NLRP7: variants seen among roughly 807,000 people sequenced by gnomAD.
NLRP7 encodes NLR family pyrin domain containing 7, also known as NACHT, LRR and PYD domains-containing protein 7.
A neutral mutation model predicts 85.5 loss-of-function variants in NLRP7; 72 were observed. The observed-to-expected ratio is 0.84, with a 90% CI of 0.70 to 1.02. NLRP7 has a LOEUF of 1.02. NLRP7 is among the 50% of genes least tolerant of loss of function. NLRP7 has a pLI of 0.00. For missense variants in NLRP7, 1,243 were observed against 1,219.5 expected, an observed-to-expected ratio of 1.02 and a Z score of -0.29; for synonymous variants, 550 against 505.2, an observed-to-expected ratio of 1.09 and a Z score of -1.19.
chr19:54,939,013 A>G, exon 4 of NLRP7: 1 of 1,614,244 alleles, frequency 6.2e-7, no homozygotes, highest in Non-Finnish European at 8.5e-7. Flanking sequence ...GCATCACTTC[A>G]GAAGTATTTG....
intron 2 of NLRP7, 37 bp from the exon 3 acceptor site, chr19:54,941,042 T>A: frequency 7.1e-7 from 1 of 1,398,608 alleles, no homozygotes; most frequent in South Asian, 1.2e-5. Context: ...ACACAGTAAT[T>A]TACACTTCGT....
At chr19:54,956,165 A>AGGGG (rs2069846206) in intron 1 of NLRP7, among the ~76,000 whole-genome samples, 1 of 150,338 alleles carries the variant, frequency 6.7e-6, no homozygotes, top group South Asian at 2.1e-4. Context: ...GGAAGGAGGG[A>AGGGG]AGGGAAGGAG....
Position 54,959,426 on chromosome 19 carries a change from C to T in NLRP7, c.-77+6614G>A, listed in dbSNP as rs190374533. On this transcript the variant is annotated intron_variant, in intron 1 of 2. Transcript: ENST00000587103. The stretch of plus-strand genomic sequence containing the variant: ...TGCTGGGATTACAGGCGTGAGCCAC[C>T]GTGCCCGGCCTCCTTGTTTTTTTTC... Among the ~76,000 whole-genome samples the T allele has an allele frequency of 1.1e-3, 169 of 150,724 alleles. 4 individuals carry two copies. Among genetic ancestry groups the T allele is most frequent in the Admixed American group, 6.6e-3 (100 of 15,118 alleles).
intron 1 of NLRP7, among the ~76,000 whole-genome samples, chr19:54,958,014 G>A (rs193089169): frequency 7.9e-5 from 12 of 151,988 alleles, no homozygotes; most frequent in African/African-American, 2.9e-4. Context: ...TCAGGAGTCC[G>A]AGACTAGCCT....
chr19:54,964,293 T>C (rs2070211989), intron 1 of NLRP7, among the ~76,000 whole-genome samples: 1 of 135,218 alleles, frequency 7.4e-6, no homozygotes, highest in Non-Finnish European at 1.5e-5. Flanking sequence ...CTCGGCTCAC[T>C]GCAAGCTCCG....
chr19:54,927,751 A>G (rs771221896), intron 9 of NLRP7: 9 of 1,614,092 alleles, frequency 5.6e-6, no homozygotes, highest in Middle Eastern at 1.6e-4. Context: ...GACAATAGAA[A>G]GGCATGAGGG....
At chr19:54,933,595 G>A (rs2068766016) in exon 8 of NLRP7, 1 of 1,614,066 alleles carries the variant, frequency 6.2e-7, no homozygotes, top group Non-Finnish European at 8.5e-7. Flanking sequence ...TACAATCAGG[G>A]TAACTCAAGC....
chr19:54,948,577 A>G (rs761492258), upstream of NLRP7, among the ~76,000 whole-genome samples: 1 of 151,406 alleles, frequency 6.6e-6, no homozygotes, highest in Non-Finnish European at 1.5e-5. Flanking sequence ...ACTGATATTT[A>G]ATTTTTTTTT....
chr19:54,931,219 C>A (rs1340585492), intron 8 of NLRP7, among the ~76,000 whole-genome samples: 1 of 152,010 alleles, frequency 6.6e-6, no homozygotes, highest in Admixed American at 6.6e-5. Context: ...GTCAGGAGTT[C>A]AAGACCAGCC....
In NLRP7 at chr19:54,934,464, C is replaced by G. The variant is rs1436852938; in HGVS notation, c.2471+25G>C. On this transcript the variant is annotated intron_variant, in intron 7 of 9. Coordinates refer to ENST00000340844, the Ensembl canonical transcript of NLRP7. This position sits in a 1 kb window ranked among gnomAD's most constrained non-coding sequence, Gnocchi z 6.7. ...CTATAGCCCCAGAACTAAACCAGAGCTGCCCATGGGAAGAGGAGACTTACG... is the reference window on the plus strand; with the variant it reads ...CTATAGCCCCAGAACTAAACCAGAGGTGCCCATGGGAAGAGGAGACTTACG... 6.2e-7 allele frequency: 1 copy of G among 1,613,092 alleles called. No homozygotes were observed. The highest frequency in any genetic ancestry group is 8.5e-7 in the Non-Finnish European group (1 of 1,179,050).
chr19:54,940,397 C>T (rs867213400), exon 4 of NLRP7: 1 of 1,614,126 alleles, frequency 6.2e-7, no homozygotes, highest in South Asian at 1.1e-5. Context: ...GTCAATGTCT[C>T]CTTGCCAAAA....
At chr19:54,925,533 C>G (rs2068392080) in intron 9 of NLRP7, among the ~76,000 whole-genome samples, 1 of 152,138 alleles carries the variant, frequency 6.6e-6, no homozygotes, top group Non-Finnish European at 1.5e-5. Flanking sequence ...GGGCTGTGCA[C>G]AGTGGCTCAC....
exon 4 of NLRP7, chr19:54,939,534 C>G (rs764512339): frequency 3.2e-5 from 52 of 1,613,446 alleles, no homozygotes; most frequent in Non-Finnish European, 4.1e-5. Flanking sequence ...CGGTGGAACA[C>G]GGACATCTGC....
Position 54,934,967 on chromosome 19 carries a change from G to A in NLRP7, c.2301-308C>T, listed in dbSNP as rs1386744278. ...CCACCTTGGCCTACCGAAGTACTGGGATTACAGGTGTGAGCCACCGCGCCT... is the reference window on the plus strand; with the variant it reads ...CCACCTTGGCCTACCGAAGTACTGGAATTACAGGTGTGAGCCACCGCGCCT... On this transcript the variant is annotated intron_variant, in intron 6 of 9. Coordinates refer to ENST00000340844, the Ensembl canonical transcript of NLRP7. This position sits in a 1 kb window ranked among gnomAD's most constrained non-coding sequence, Gnocchi z 6.7. 1.3e-5 allele frequency among the ~76,000 whole-genome samples: 2 copies of A among 152,112 alleles called. No homozygotes were observed. Among genetic ancestry groups the A allele is most frequent in the African/African-American group, 4.8e-5 (2 of 41,428 alleles).
At chr19:54,958,130 G>C (rs140030692) in intron 1 of NLRP7, among the ~76,000 whole-genome samples, 6 of 152,034 alleles carry the variant, frequency 3.9e-5, no homozygotes, top group Admixed American at 3.3e-4. Flanking sequence ...CAGGAGAATC[G>C]CTTGGTTTGG....
chr19:54,945,420 C>A (rs528093654), intron 1 of NLRP7, among the ~76,000 whole-genome samples: 1 of 149,582 alleles, frequency 6.7e-6, no homozygotes, highest in East Asian at 2.1e-4. Context: ...ACAGGTATGC[C>A]CCACCACACC....
chr19:54,946,586 C>T (rs964562028), intron 1 of NLRP7, among the ~76,000 whole-genome samples: 1 of 151,738 alleles, frequency 6.6e-6, no homozygotes, highest in African/African-American at 2.4e-5. Flanking sequence ...CACCTCCTGG[C>T]TCAGGTGATC....
intron 1 of NLRP7, among the ~76,000 whole-genome samples, chr19:54,962,898 C>T (rs2070109669): frequency 3.3e-5 from 5 of 152,080 alleles, no homozygotes; most frequent in Admixed American, 3.3e-4. Flanking sequence ...CACACTGGGC[C>T]CCCTCACTTT....
At chr19:54,947,651 C>A, upstream of NLRP7, 1 of 1,289,180 alleles carries the variant, frequency 7.8e-7, no homozygotes, top group South Asian at 1.2e-5. Flanking sequence ...ACCTTGACAT[C>A]ACCTGGGCCC....
Sources: gnomAD v4.1 joint callset for allele counts (sites outside exome capture counted in the v4.1 genomes callset) on GRCh38, gnomAD v4.1.1 for gene constraint, Gnocchi (gnomAD v3.1) non-coding constraint, MANE v1.5 for transcripts, NCBI Gene and HGNC (gene_info 2026-07-23, HGNC 2026-07-21) for gene names.